The following RSU1 variants were observed in gnomAD, a reference collection of about 807,000 sequenced individuals.
The protein encoded by RSU1 is rsu-1.
A neutral mutation model predicts 31.1 loss-of-function variants in RSU1; 26 were observed. The ratio of observed to expected loss-of-function variants is 0.84; its 90% CI spans 0.61 to 1.16. The LOEUF is 1.16. Among genes scored for constraint, RSU1 ranks in the 50% most tolerant of loss-of-function variants. The probability of loss-of-function intolerance (pLI) is 0.00; values close to 1 mark genes in which losing one functional copy is unlikely to be tolerated. For synonymous variants in RSU1, 164 were observed against 136.3 expected (o/e 1.20, Z -1.41); for missense variants, 320 against 339.1 (o/e 0.94, Z 0.44).
At chr10:16,665,185 C>A (rs761139701) in intron 8 of RSU1, among the ~76,000 whole-genome samples, 1 of 152,034 alleles carries the variant, frequency 6.6e-6, no homozygotes, top group Non-Finnish European at 1.5e-5. Context: ...CTCAGGTGAT[C>A]CCACCTGCCT....
At chr10:16,621,874 T>C (rs1834077317) in intron 8 of RSU1, among the ~76,000 whole-genome samples, 2 of 152,200 alleles carry the variant, frequency 1.3e-5, no homozygotes, top group Admixed American at 6.5e-5. Flanking sequence ...TCAATGACTA[T>C]GTATGTAATT....
intron 8 of RSU1, among the ~76,000 whole-genome samples, chr10:16,654,743 C>T (rs1255323809): frequency 1.3e-5 from 2 of 151,546 alleles, no homozygotes. Flanking sequence ...TAACACAGCC[C>T]AAGTGCACCT....
chr10:16,687,190 A>G, intron 8 of RSU1, among the ~76,000 whole-genome samples: 1 of 152,204 alleles, frequency 6.6e-6, no homozygotes, highest in Non-Finnish European at 1.5e-5. Context: ...GAGTCTTACT[A>G]GATGTCTTCA....
At chr10:16,606,088 A>T (rs1833799698) in intron 8 of RSU1, among the ~76,000 whole-genome samples, 1 of 152,130 alleles carries the variant, frequency 6.6e-6, no homozygotes, top group African/African-American at 2.4e-5. Context: ...GGCACTCAGT[A>T]AAGGTGCTGC....
In RSU1 at chr10:16,737,885, AG is replaced by A. The variant is rs564506367; in HGVS notation, c.598+14653del. 2.9e-3 allele frequency among the ~76,000 whole-genome samples: 443 copies of A among 152,366 alleles called. 3 individuals carry two copies. The highest frequency in any genetic ancestry group is 0.01 in the African/African-American group (429 of 41,596). The stretch of plus-strand genomic sequence containing the variant: ...AAAATTCACCAACTAGAGAATACGC[AG>A]GCCCATAAAACAAATCAACAAATTG... On this transcript the variant is annotated intron_variant, in intron 7 of 8. Transcript: ENST00000345264.
At chr10:16,621,550 T>A (rs1834071231) in intron 8 of RSU1, among the ~76,000 whole-genome samples, 1 of 152,182 alleles carries the variant, frequency 6.6e-6, no homozygotes. Context: ...CAACACTGGG[T>A]AATTTATCAG....
chr10:16,812,616 ATTTG>A (rs1258817429), intron 2 of RSU1, among the ~76,000 whole-genome samples: 5 of 152,016 alleles, frequency 3.3e-5, no homozygotes, highest in African/African-American at 1.2e-4. Context: ...CCATGATCAT[ATTTG>A]TTTATTATTT....
intron 8 of RSU1, among the ~76,000 whole-genome samples, chr10:16,627,594 A>G (rs1834179587): frequency 6.6e-6 from 1 of 152,004 alleles, no homozygotes; most frequent in Non-Finnish European, 1.5e-5. Flanking sequence ...TCTCTACTAA[A>G]TACAAAAAAT....
At chr10:16,809,106 T>C (rs748540087) in intron 2 of RSU1, among the ~76,000 whole-genome samples, 10 of 152,228 alleles carry the variant, frequency 6.6e-5, no homozygotes, top group Non-Finnish European at 1.2e-4. Context: ...GTACTATTAA[T>C]CCTATTATTG....
chr10:16,609,466 T>C (rs997696232), intron 8 of RSU1, among the ~76,000 whole-genome samples: 7 of 152,152 alleles, frequency 4.6e-5, no homozygotes, highest in Non-Finnish European at 1.0e-4. Context: ...AAAACACCCC[T>C]GGAAGGTGCT....
intron 2 of RSU1, 55 bp downstream of exon 2, chr10:16,816,918 C>T: frequency 7.7e-7 from 1 of 1,306,580 alleles, no homozygotes; most frequent in South Asian, 1.2e-5. Context: ...AGTGAATTGG[C>T]AAACTTAGAA....
At chr10:16,744,189 G>A (rs940280170) in intron 7 of RSU1, among the ~76,000 whole-genome samples, 1 of 151,050 alleles carries the variant, frequency 6.6e-6, no homozygotes, top group Non-Finnish European at 1.5e-5. Context: ...CTACTTTGTC[G>A]ACCTCCAGAA....
At chr10:16,660,645 C>CTTTTTTTTTTTTTTTTTTTTT (rs796601054) in intron 8 of RSU1, among the ~76,000 whole-genome samples, 1 of 79,542 alleles carries the variant, frequency 1.3e-5, no homozygotes, top group African/African-American at 5.9e-5. Flanking sequence ...CTTGAACTCT[C>CTTTTTTTTTTTTTTTTTTTTT]TTTTTTTTTT....
intron 2 of RSU1, among the ~76,000 whole-genome samples, chr10:16,793,721 A>G (rs1186879338): frequency 2.0e-5 from 3 of 152,104 alleles, no homozygotes; most frequent in Non-Finnish European, 4.4e-5. Flanking sequence ...TTGGTGGGAC[A>G]GGGATAGAAT....
Position 16,646,211 on chromosome 10 carries a change from C to T in RSU1, c.731+48812G>A, listed in dbSNP as rs80023342. ...TCTGGTGTTTTGTGATATCCCACCC[C>T]TTCTGAGTGATAGGAGAAAGCCCGT... is the stretch of plus-strand genomic sequence containing the variant. On this transcript the variant is annotated intron_variant, in intron 8 of 8. Coordinates refer to ENST00000345264, the MANE Select transcript of RSU1 (RefSeq NM_012425.4). Among the ~76,000 whole-genome samples, 506 of 151,884 alleles carry T rather than the reference C, an allele frequency of 3.3e-3. 4 individuals carry two copies. Among genetic ancestry groups the T allele is most frequent in the African/African-American group, 0.012 (482 of 41,394 alleles).
chr10:16,770,211 A>G (rs1235270461), intron 3 of RSU1, among the ~76,000 whole-genome samples: 1 of 152,112 alleles, frequency 6.6e-6, no homozygotes, highest in Non-Finnish European at 1.5e-5. Flanking sequence ...TCAAAGCCGT[A>G]AGGAGCGACA....
At chr10:16,607,111 C>G (rs567468463) in intron 8 of RSU1, among the ~76,000 whole-genome samples, 1 of 152,128 alleles carries the variant, frequency 6.6e-6, no homozygotes, top group Non-Finnish European at 1.5e-5. Context: ...GTGCTGTTCT[C>G]GTGATAGTGA....
intron 8 of RSU1, among the ~76,000 whole-genome samples, chr10:16,617,174 ATTCC>A (rs796210610): frequency 1.3e-5 from 2 of 152,260 alleles, no homozygotes; most frequent in South Asian, 4.1e-4. Context: ...AATCACAAGC[ATTCC>A]TATACACTAA....
intron 8 of RSU1, among the ~76,000 whole-genome samples, chr10:16,636,964 AT>A (rs1475364969): frequency 1.3e-5 from 2 of 152,104 alleles, no homozygotes; most frequent in Non-Finnish European, 2.9e-5. Flanking sequence ...GGGATTCTGT[AT>A]TTTATTCCCT....
Sources: allele counts gnomAD v4.1 joint callset (sites outside exome capture counted in the v4.1 genomes callset), GRCh38; gene constraint gnomAD v4.1.1; transcripts MANE v1.5; gene names NCBI Gene and HGNC (gene_info 2026-07-23, HGNC 2026-07-21).